The following SLC3A2 variants were observed in gnomAD, a reference collection of about 807,000 sequenced individuals.
SLC3A2 encodes solute carrier family 3 member 2.
In SLC3A2, 32 loss-of-function variants were observed where a neutral mutation model predicts 48.5. The ratio of observed to expected loss-of-function variants is 0.66; its 90% CI spans 0.50 to 0.89. The LOEUF (loss-of-function observed/expected upper bound fraction) is 0.89. Among genes scored for constraint, SLC3A2 ranks in the 40% least tolerant of loss-of-function variants. The pLI is 0.00. For missense variants in SLC3A2, 587 were observed against 680.7 expected, an observed-to-expected ratio of 0.86 and a Z score of 1.53; for synonymous variants, 277 against 288.8, an observed-to-expected ratio of 0.96 and a Z score of 0.41.
chr11:62,858,946 G>T (rs1278087425), intron 1 of SLC3A2, among the ~76,000 whole-genome samples: 1 of 152,216 alleles, frequency 6.6e-6, no homozygotes, highest in Non-Finnish European at 1.5e-5. Flanking sequence ...GTACAATCGG[G>T]TTTTATACCG....
intron 1 of SLC3A2, among the ~76,000 whole-genome samples, chr11:62,870,331 G>A (rs1399371631): frequency 6.6e-6 from 1 of 151,562 alleles, no homozygotes; most frequent in Non-Finnish European, 1.5e-5. Flanking sequence ...ACAGGTGTGC[G>A]TCACCACGCC....
intron 3 of SLC3A2, chr11:62,883,885 C>G: frequency 2.3e-6 from 1 of 434,104 alleles, no homozygotes; most frequent in South Asian, 1.6e-5. Context: ...TTCAGCAGCA[C>G]TGGCCTCTTT....
chr11:62,856,229 C>T (rs767884767), exon 1 of SLC3A2: 1 of 1,541,550 alleles, frequency 6.5e-7, no homozygotes, highest in Non-Finnish European at 8.9e-7. Context: ...TGAGCTGCCC[C>T]TTGCCCACAC....
intron 1 of SLC3A2, among the ~76,000 whole-genome samples, chr11:62,874,857 C>T (rs1213960783): frequency 6.6e-6 from 1 of 151,690 alleles, no homozygotes; most frequent in East Asian, 1.9e-4. Flanking sequence ...ACCTCCGCCT[C>T]CCAGGTTGAA....
chr11:62,888,090 C>T (rs2135023041), intron 7 of SLC3A2, 45 bp from the exon 8 acceptor site: 1 of 1,551,212 alleles, frequency 6.4e-7, no homozygotes, highest in Non-Finnish European at 8.9e-7. Context: ...AGCCACCATG[C>T]CTGACCCCAG....
chr11:62,863,796 A>G (rs1010593548), intron 1 of SLC3A2, among the ~76,000 whole-genome samples: 4 of 152,200 alleles, frequency 2.6e-5, no homozygotes, highest in Non-Finnish European at 5.9e-5. Context: ...AACAGCCCTG[A>G]TGCTGTTTCT....
intron 1 of SLC3A2, among the ~76,000 whole-genome samples, chr11:62,863,514 G>T (rs1228671254): frequency 6.6e-6 from 1 of 152,198 alleles, no homozygotes. Flanking sequence ...AACATAAATA[G>T]AATTTCCTGG....
At chr11:62,871,967 C>T (rs1445955956) in intron 1 of SLC3A2, among the ~76,000 whole-genome samples, 2 of 152,080 alleles carry the variant, frequency 1.3e-5, no homozygotes, top group African/African-American at 2.4e-5. Flanking sequence ...GGCTGGAGTG[C>T]GGTGGCGTGA....
chr11:62,860,153 A>G (rs900441828), intron 1 of SLC3A2, among the ~76,000 whole-genome samples: 3 of 152,118 alleles, frequency 2.0e-5, no homozygotes, highest in African/African-American at 7.2e-5. Context: ...CTGTGCCTTG[A>G]TGTGCACGTA....
chr11:62,861,595 C>G (rs2085398680), intron 1 of SLC3A2, among the ~76,000 whole-genome samples: 1 of 152,094 alleles, frequency 6.6e-6, no homozygotes, highest in South Asian at 2.1e-4. Context: ...ATTCTCCACA[C>G]TGTAGTCAGA....
At chr11:62,877,036 AGTT>A (rs1031564505), upstream of SLC3A2, among the ~76,000 whole-genome samples, 3 of 143,608 alleles carry the variant, frequency 2.1e-5, no homozygotes, top group African/African-American at 7.7e-5. Context: ...AGTTTTTTTC[AGTT>A]GTTTCTTTTT....
At chr11:62,882,320 A>G in intron 2 of SLC3A2, 2 of 454,328 alleles carry the variant, frequency 4.4e-6, no homozygotes, top group South Asian at 5.2e-5. Context: ...ATAGATATTT[A>G]CTAAACCAGT....
chr11:62,885,370 C>T lies in SLC3A2; in HGVS notation c.999+13C>T, dbSNP rs370879502. 5.6e-6 allele frequency: 9 copies of T among 1,613,940 alleles called. No individual in the cohort carries two copies. The highest frequency in any genetic ancestry group is 4.0e-5 in the African/African-American group (3 of 74,906). ...GTGCAGCTGGAGTGTGAGTACCATG[C>T]TGGTGGGAAAGGGGGCAGATGGGAG... On this transcript the variant is annotated intron_variant, in intron 6 of 8. Coordinates refer to ENST00000338663, the MANE Select transcript of SLC3A2 (RefSeq NM_001013251.3).
chr11:62,862,558 C>T (rs2085412504), intron 1 of SLC3A2, among the ~76,000 whole-genome samples: 1 of 152,022 alleles, frequency 6.6e-6, no homozygotes, highest in South Asian at 2.1e-4. Context: ...TTCTCACCCA[C>T]AGTCAACTCC....
intron 3 of SLC3A2, chr11:62,883,704 G>C (rs941664684): frequency 1.1e-5 from 3 of 266,554 alleles, no homozygotes; most frequent in African/African-American, 4.4e-5. Flanking sequence ...AGTTACTAGG[G>C]GACCCTTTAA....
upstream of SLC3A2, chr11:62,880,590 G>C (rs1409516104): frequency 1.3e-5 from 2 of 158,568 alleles, no homozygotes. Context: ...GAAGAGGGGC[G>C]TTTGGGGGCG....
intron 7 of SLC3A2, among the ~76,000 whole-genome samples, chr11:62,887,694 C>T (rs1050944831): frequency 5.2e-5 from 7 of 133,688 alleles, no homozygotes; most frequent in African/African-American, 1.4e-4. Flanking sequence ...AGCGAGACTC[C>T]GTCTCAAAAA....
At chr11:62,859,804 G>C (rs2085378566) in intron 1 of SLC3A2, among the ~76,000 whole-genome samples, 1 of 151,738 alleles carries the variant, frequency 6.6e-6, no homozygotes, top group Non-Finnish European at 1.5e-5. Flanking sequence ...TTTAAAAAAA[G>C]TAGGCTGGGT....
intron 1 of SLC3A2, chr11:62,870,838 GTAATAA>G (rs57671523): frequency 0.13 from 22,706 of 172,706 alleles, 1,809 homozygotes; most frequent in South Asian, 0.24. Flanking sequence ...GAGATGATAG[GTAATAA>G]TAATAATAAT....
Sources: gnomAD v4.1 joint callset for allele counts (sites outside exome capture counted in the v4.1 genomes callset) on GRCh38, gnomAD v4.1.1 for gene constraint, MANE v1.5 for transcripts, NCBI Gene and HGNC (gene_info 2026-07-23, HGNC 2026-07-21) for gene names.